The following DLGAP2 variants were observed in gnomAD, a reference collection of about 807,000 sequenced individuals.
DLGAP2 encodes DLG associated protein 2, also known as disks large-associated protein 2.
Under a neutral mutation model 100.3 loss-of-function variants are expected in DLGAP2, and 26 were observed. The ratio of observed to expected loss-of-function variants is 0.26; its 90% CI spans 0.19 to 0.36. The LOEUF (loss-of-function observed/expected upper bound fraction) is 0.36. Among genes scored for constraint, DLGAP2 ranks in the 10% least tolerant of loss-of-function variants. The probability of loss-of-function intolerance (pLI) is 1.00; values close to 1 mark genes in which losing one functional copy is unlikely to be tolerated. For synonymous variants in DLGAP2, 886 were observed against 630.1 expected (o/e 1.41, Z -6.08); for missense variants, 1,858 against 1,453.2 (o/e 1.28, Z -4.53).
chr8:1,562,204 A>G lies in DLGAP2; in HGVS notation c.1231-3479A>G, dbSNP rs369060782. On this transcript the variant is annotated intron_variant, in intron 5 of 14. Coordinates refer to ENST00000637795, the MANE Select transcript of DLGAP2 (RefSeq NM_001346810.2). ...GACTGTGTGGTGTTGGGGTGTCTGC[A>G]CCTCGTTACTGGGGGACTGTGTGGT... Among the ~76,000 whole-genome samples the G allele has an allele frequency of 1.7e-3, 14 of 8,356 alleles. 1 individual carries two copies. Among genetic ancestry groups the G allele is most frequent in the Admixed American group, 9.0e-3 (4 of 446 alleles). 5.5% of individuals were successfully genotyped at this position (8,356 alleles called of 152,430 possible).
chr8:1,449,411 G>A (rs912764207), intron 3 of DLGAP2, among the ~76,000 whole-genome samples: 34 of 152,124 alleles, frequency 2.2e-4, no homozygotes, highest in African/African-American at 7.7e-4. Context: ...GCTTCCAGGG[G>A]GACTCGAGTT....
chr8:973,646 G>A (rs541806019), intron 2 of DLGAP2, among the ~76,000 whole-genome samples: 17 of 152,354 alleles, frequency 1.1e-4, no homozygotes, highest in South Asian at 6.2e-4. Flanking sequence ...CCGAGATCAC[G>A]CCACTGCACT....
intron 3 of DLGAP2, among the ~76,000 whole-genome samples, chr8:1,345,267 G>A (rs55966637): frequency 3.2e-5 from 2 of 62,790 alleles, no homozygotes; most frequent in African/African-American, 4.3e-5. Flanking sequence ...TGTGCGGTCT[G>A]TTTCTCTGCT....
At chr8:1,654,059 C>G (rs990719735) in intron 8 of DLGAP2, among the ~76,000 whole-genome samples, 5 of 152,154 alleles carry the variant, frequency 3.3e-5, no homozygotes, top group African/African-American at 1.2e-4. Context: ...TAAAAATAAA[C>G]TCTCATCATC....
chr8:1,130,297 C>T (rs1196908784), intron 2 of DLGAP2, among the ~76,000 whole-genome samples: 1 of 152,102 alleles, frequency 6.6e-6, no homozygotes, highest in Non-Finnish European at 1.5e-5. Context: ...GTTTAGTGTT[C>T]TGTTTTTTGG....
At chr8:1,486,824 G>C (rs1000543086) in intron 3 of DLGAP2, among the ~76,000 whole-genome samples, 2 of 152,242 alleles carry the variant, frequency 1.3e-5, no homozygotes, top group African/African-American at 4.8e-5. Context: ...TAAAACACAT[G>C]CATTTATGCA....
chr8:1,116,010 G>A (rs1243108592), intron 2 of DLGAP2, among the ~76,000 whole-genome samples: 4 of 152,178 alleles, frequency 2.6e-5, no homozygotes, highest in African/African-American at 9.7e-5. Context: ...AGCACCGTGG[G>A]AGCCATTCAC....
At chr8:1,255,839 G>T (rs562222687) in intron 2 of DLGAP2, among the ~76,000 whole-genome samples, 1 of 128,960 alleles carries the variant, frequency 7.8e-6, no homozygotes, top group Non-Finnish European at 1.6e-5. Context: ...TGCTGTGTGT[G>T]TGTCCTCTCC....
intron 7 of DLGAP2, among the ~76,000 whole-genome samples, chr8:1,631,684 G>T (rs1003311738): frequency 5.3e-5 from 8 of 152,162 alleles, no homozygotes; most frequent in African/African-American, 1.9e-4. Flanking sequence ...TTCCCTGCAG[G>T]GTGGCTTCAG....
Position 1,567,875 on chromosome 8 carries a change from C to T in DLGAP2, c.1442+1981C>T, listed in dbSNP as rs192016459. On this transcript the variant is annotated intron_variant, in intron 6 of 14. Coordinates refer to ENST00000637795, the MANE Select transcript of DLGAP2 (RefSeq NM_001346810.2). ...GTGGGAAACCCTCTGGGAGTTCACT[C>T]ACCAACAGCCCTTAACACCTGACCA... is the stretch of plus-strand genomic sequence containing the variant. Among the ~76,000 whole-genome samples the T allele has an allele frequency of 3.3e-5, 5 of 152,362 alleles. No individual in the cohort carries two copies. In the East Asian group the frequency reaches 7.7e-4, roughly 23 times the overall value.
chr8:1,077,975 C>T (rs1385841173), intron 2 of DLGAP2, among the ~76,000 whole-genome samples: 1 of 152,202 alleles, frequency 6.6e-6, no homozygotes, highest in African/African-American at 2.4e-5. Context: ...GTCATCCACG[C>T]CATGTCCTCT....
At chr8:1,344,326 G>T (rs1340215824) in intron 3 of DLGAP2, among the ~76,000 whole-genome samples, 1 of 152,172 alleles carries the variant, frequency 6.6e-6, no homozygotes, top group South Asian at 2.1e-4. Flanking sequence ...CCTTCAGGGT[G>T]CCACCTGCAT....
intron 3 of DLGAP2, among the ~76,000 whole-genome samples, chr8:1,268,910 A>T (rs1799523590): frequency 6.6e-6 from 1 of 152,170 alleles, no homozygotes; most frequent in Non-Finnish European, 1.5e-5. Flanking sequence ...TTGTGGCAGA[A>T]TGACATGGCC....
intron 2 of DLGAP2, among the ~76,000 whole-genome samples, chr8:1,055,542 C>T (rs1002810182): frequency 2.0e-5 from 3 of 152,170 alleles, no homozygotes; most frequent in African/African-American, 7.2e-5. Context: ...TACATGTGGA[C>T]TATTTATTTA....
chr8:1,540,422 G>C (rs1365369410), intron 4 of DLGAP2, among the ~76,000 whole-genome samples: 1 of 152,152 alleles, frequency 6.6e-6, no homozygotes, highest in Non-Finnish European at 1.5e-5. Context: ...GCTGGGTTGA[G>C]TCATTAATGA....
intron 8 of DLGAP2, among the ~76,000 whole-genome samples, chr8:1,668,071 G>A (rs542674991): frequency 1.3e-5 from 2 of 152,228 alleles, no homozygotes; most frequent in African/African-American, 2.4e-5. Flanking sequence ...CCACGCCTGC[G>A]TGCTGTCCTG....
rs1421681993 is a variant in DLGAP2, at chr8:1,702,470, A to G, written c.*1064A>G. ...GAGTGGTAAGTATATCTCAGTTTAA[A>G]TGGTAAAGAAGAAATGTAGTTTACA... On this transcript the variant is annotated 3_prime_UTR_variant, in exon 15 of 15. Transcript: ENST00000637795. The G allele has an allele frequency of 6.6e-6, 1 of 152,666 alleles. No individual in the cohort carries two copies. 9.5% of individuals were successfully genotyped at this position (152,666 alleles called of 1,614,324 possible).
chr8:1,386,109 G>T (rs1361256257), intron 3 of DLGAP2, among the ~76,000 whole-genome samples: 4 of 152,172 alleles, frequency 2.6e-5, no homozygotes, highest in Non-Finnish European at 5.9e-5. Flanking sequence ...ACAGGAAAAT[G>T]ACAAAATAAT....
intron 3 of DLGAP2, among the ~76,000 whole-genome samples, chr8:1,422,588 G>A (rs1206148595): frequency 6.6e-6 from 1 of 151,546 alleles, no homozygotes; most frequent in African/African-American, 2.4e-5. Flanking sequence ...GGTGTGGGTG[G>A]AACAGACAGG....
Sources: gnomAD v4.1 joint callset for allele counts (sites outside exome capture counted in the v4.1 genomes callset) on GRCh38, gnomAD v4.1.1 for gene constraint, MANE v1.5 for transcripts, NCBI Gene and HGNC (gene_info 2026-07-23, HGNC 2026-07-21) for gene names.